SH3BP5: variants seen among roughly 807,000 people sequenced by gnomAD.
SH3BP5 encodes the protein SH3 domain binding protein 5.
In SH3BP5, 22 loss-of-function variants were observed where a neutral mutation model predicts 43.3. The observed-to-expected ratio is 0.51, with a 90% CI of 0.36 to 0.73. The LOEUF (loss-of-function observed/expected upper bound fraction) is 0.73. Among genes scored for constraint, SH3BP5 ranks in the 30% least tolerant of loss-of-function variants. The pLI is 0.00. For synonymous variants in SH3BP5, 255 were observed against 225.8 expected (o/e 1.13, Z -1.16); for missense variants, 529 against 586.9 (o/e 0.90, Z 1.02).
intron 7 of SH3BP5, among the ~76,000 whole-genome samples, chr3:15,257,958 C>T (rs1696282033): frequency 6.6e-6 from 1 of 152,210 alleles, no homozygotes; most frequent in Admixed American, 6.5e-5. Flanking sequence ...CCTAACTCCA[C>T]TACTTGCTGT....
At chr3:15,309,275 A>G (rs557012874) in intron 2 of SH3BP5, among the ~76,000 whole-genome samples, 1 of 152,290 alleles carries the variant, frequency 6.6e-6, no homozygotes, top group South Asian at 2.1e-4. Flanking sequence ...AGAATGGGAT[A>G]GTATAGGGCT....
At chr3:15,285,903 G>T (rs918111872) in intron 3 of SH3BP5, among the ~76,000 whole-genome samples, 1 of 152,360 alleles carries the variant, frequency 6.6e-6, no homozygotes, top group South Asian at 2.1e-4. Flanking sequence ...TTCTGGATCA[G>T]CATAACTTGG....
At chr3:15,269,090 T>A (rs1422349425) in intron 4 of SH3BP5, among the ~76,000 whole-genome samples, 1 of 152,172 alleles carries the variant, frequency 6.6e-6, no homozygotes, top group Non-Finnish European at 1.5e-5. Context: ...TTTCTGGCTC[T>A]GAGTAACGCA....
At chr3:15,301,099 G>C (rs1697725809) in intron 3 of SH3BP5, among the ~76,000 whole-genome samples, 1 of 152,144 alleles carries the variant, frequency 6.6e-6, no homozygotes, top group Non-Finnish European at 1.5e-5. Flanking sequence ...AGAAGATTTG[G>C]GGTGCAGAAG....
At chr3:15,322,672 TACAAAA>T (rs1698359636) in intron 2 of SH3BP5, among the ~76,000 whole-genome samples, 3 of 152,030 alleles carry the variant, frequency 2.0e-5, no homozygotes, top group African/African-American at 7.2e-5. Context: ...ACCCCATCTC[TACAAAA>T]ACAAAAATTA....
intron 8 of SH3BP5, chr3:15,256,505 C>T: frequency 1.6e-6 from 1 of 624,556 alleles, no homozygotes; most frequent in Non-Finnish European, 2.8e-6. Context: ...TCATTTACTG[C>T]TTTTATTCCT....
chr3:15,257,207 G>A (rs1031693171), intron 7 of SH3BP5, 94 bp from the exon 8 acceptor site: 2 of 1,317,572 alleles, frequency 1.5e-6, no homozygotes, highest in African/African-American at 1.5e-5. Context: ...CACAGCATGG[G>A]GGACTAAAGA....
rs750230291 is a variant in SH3BP5, at chr3:15,256,154, G to C, written c.1300C>G (p.Leu434Val). 2 of 1,614,196 alleles carry C rather than the reference G, an allele frequency of 1.2e-6. No individual in the cohort carries two copies. The highest frequency in any genetic ancestry group is 3.3e-5 in the Admixed American group (2 of 60,032). ...GQALENRMKQ[L>V]SLQCSKGRDG... ...CTTCCCTTTGAGCACTGTAGGGAGA[G>C]CTGCTTCATCCGGTTCTCCAAGGCC... Residue 434 changes from leucine (L) to valine (V), a missense_variant, in exon 9 of 9, where the codon CTC becomes GTC. Leu to Val is a conservative substitution (Grantham distance 32, BLOSUM62 1). This residue lies in a region of SH3BP5 where 369 missense variants were observed against 384.3 expected (regional missense o/e 0.96). Coordinates refer to ENST00000383791, the MANE Select transcript of SH3BP5 (RefSeq NM_004844.5).
Position 15,325,353 on chromosome 3 carries a change from C to T in SH3BP5, c.201+5151G>A, listed in dbSNP as rs371478003. Among the ~76,000 whole-genome samples, 8 of 152,366 alleles carry T rather than the reference C, an allele frequency of 5.3e-5. No individual in the cohort carries two copies. In the South Asian group the frequency reaches 1.0e-3, roughly 20 times the overall value. ...TCACTGCCTCCTCTTCCATCCATTA[C>T]TCGCCCATGCCTGGCACAAGGCCCC... On this transcript the variant is annotated intron_variant, in intron 2 of 8. Coordinates refer to ENST00000383791, the MANE Select transcript of SH3BP5 (RefSeq NM_004844.5).
intron 3 of SH3BP5, among the ~76,000 whole-genome samples, chr3:15,274,304 GAA>G (rs1405015136): frequency 6.6e-6 from 1 of 152,004 alleles, no homozygotes. Flanking sequence ...AATTTATAAA[GAA>G]AAGAGGCTTA....
At chr3:15,336,826 C>T (rs576231277), upstream of SH3BP5, among the ~76,000 whole-genome samples, 1 of 152,054 alleles carries the variant, frequency 6.6e-6, no homozygotes, top group African/African-American at 2.4e-5. Context: ...TTTACAGTCC[C>T]TCACCCTCTT....
chr3:15,279,250 T>C (rs956334003), intron 3 of SH3BP5, among the ~76,000 whole-genome samples: 1 of 152,204 alleles, frequency 6.6e-6, no homozygotes, highest in Non-Finnish European at 1.5e-5. Flanking sequence ...TCCCAAAGGT[T>C]ACCATGTACA....
At chr3:15,324,301 G>C (rs1440825862) in intron 2 of SH3BP5, among the ~76,000 whole-genome samples, 2 of 152,198 alleles carry the variant, frequency 1.3e-5, no homozygotes, top group African/African-American at 4.8e-5. Flanking sequence ...AGGGCCCTGA[G>C]TGACTCTCCT....
chr3:15,300,501 CGGG>C lies in SH3BP5; in HGVS notation c.330+3599_330+3601del, dbSNP rs1553617399. Among the ~76,000 whole-genome samples the C allele has an allele frequency of 7.6e-4, 44 of 57,776 alleles. 1 individual carries two copies. In the East Asian group the frequency reaches 0.062, roughly 81 times the overall value. 37.9% of individuals were successfully genotyped at this position (57,776 alleles called of 152,430 possible). A position where few individuals can be genotyped will look rare whatever the true frequency, so the allele number is the denominator to read the frequency against. On this transcript the variant is annotated intron_variant, in intron 3 of 8. Transcript: ENST00000383791. ...GAGCTTTGTAAATATAAAAAGGAAG[CGGG>C]GGCGGGGGGACAAGAGGAAGAAAAC...
At chr3:15,325,038 A>G (rs1287081668) in intron 2 of SH3BP5, among the ~76,000 whole-genome samples, 3 of 152,196 alleles carry the variant, frequency 2.0e-5, no homozygotes, top group Non-Finnish European at 2.9e-5. Flanking sequence ...AGCAATGAGG[A>G]AAAGGACGGA....
At chr3:15,270,293 T>C (rs1454097306) in intron 3 of SH3BP5, among the ~76,000 whole-genome samples, 1 of 152,202 alleles carries the variant, frequency 6.6e-6, no homozygotes, top group African/African-American at 2.4e-5. Context: ...CCAGAGATCA[T>C]GGTCCAAAGA....
chr3:15,270,278 G>C (rs774901972), intron 3 of SH3BP5, among the ~76,000 whole-genome samples: 3 of 152,178 alleles, frequency 2.0e-5, no homozygotes, highest in Non-Finnish European at 4.4e-5. Context: ...GAACCAGGAA[G>C]GCCCCCAGAG....
chr3:15,299,162 C>T (rs1697659830), intron 3 of SH3BP5, among the ~76,000 whole-genome samples: 1 of 152,230 alleles, frequency 6.6e-6, no homozygotes, highest in South Asian at 2.1e-4. Flanking sequence ...GTCATTGATT[C>T]ACATGGGCTC....
chr3:15,323,127 C>CAAATAAATAAATAAATAAAT (rs141252585), intron 2 of SH3BP5, among the ~76,000 whole-genome samples: 66 of 146,176 alleles, frequency 4.5e-4, no homozygotes, highest in African/African-American at 1.1e-3. Context: ...GACCCTGTCT[C>CAAATAAATAAATAAATAAAT]AAATAAATAA....
Sources: gnomAD v4.1 joint callset for allele counts (sites outside exome capture counted in the v4.1 genomes callset) on GRCh38, gnomAD v4.1.1 for gene constraint, gnomAD v4.1.1 regional missense constraint, MANE v1.5 for transcripts, NCBI Gene and HGNC (gene_info 2026-07-23, HGNC 2026-07-21) for gene names.